The following CACNA2D2 variants were observed in gnomAD, a reference collection of about 807,000 sequenced individuals.
The protein encoded by CACNA2D2 is calcium voltage-gated channel auxiliary subunit alpha2delta 2, also known as voltage-dependent calcium channel subunit alpha-2/delta-2.
A neutral mutation model predicts 166.4 loss-of-function variants in CACNA2D2; 48 were observed. The observed-to-expected ratio is 0.29, with a 90% CI of 0.23 to 0.37. The LOEUF is 0.37. CACNA2D2 is among the 10% of genes least tolerant of loss of function. The pLI, the probability that CACNA2D2 is intolerant of heterozygous loss-of-function variation, is 1.00. For missense variants in CACNA2D2, 1,122 were observed against 1,433.0 expected (o/e 0.78, Z 3.50); for synonymous variants, 561 against 573.7 (o/e 0.98, Z 0.32).
intron 22 of CACNA2D2, among the ~76,000 whole-genome samples, chr3:50,370,764 G>A (rs1704616324): frequency 6.6e-6 from 1 of 151,978 alleles, no homozygotes; most frequent in Non-Finnish European, 1.5e-5. Flanking sequence ...TGGGGGAGGC[G>A]CCAGTCTCGC....
chr3:50,475,383 T>C (rs1324983605), intron 2 of CACNA2D2, among the ~76,000 whole-genome samples: 2 of 152,154 alleles, frequency 1.3e-5, no homozygotes, highest in Admixed American at 6.5e-5. Context: ...CAGTACCTCC[T>C]GGCCCAAGCC....
intron 4 of CACNA2D2, among the ~76,000 whole-genome samples, chr3:50,390,326 G>A (rs758086579): frequency 3.3e-5 from 5 of 152,170 alleles, no homozygotes; most frequent in African/African-American, 4.8e-5. Flanking sequence ...AAATCATGCA[G>A]CCTCCATGAG....
At position 50,399,825 on chromosome 3, in the gene CACNA2D2, T is replaced by A. The variant is rs193054313; in HGVS notation, c.406-5657A>T. On this transcript the variant is annotated intron_variant, in intron 3 of 37. Transcript: ENST00000424201. ...TGGGGCCTGGCTGGTTGGACTCAGGTCCCTCCTGCCACCCCTTAGAGTGGT... is the reference window on the plus strand; with the variant it reads ...TGGGGCCTGGCTGGTTGGACTCAGGACCCTCCTGCCACCCCTTAGAGTGGT... 1.4e-3 allele frequency among the ~76,000 whole-genome samples: 206 copies of A among 152,172 alleles called. 1 individual carries two copies. The highest frequency in any genetic ancestry group is 4.7e-3 in the African/African-American group (196 of 41,488).
intron 3 of CACNA2D2, among the ~76,000 whole-genome samples, chr3:50,422,607 C>T (rs1447477191): frequency 2.6e-5 from 4 of 152,192 alleles, no homozygotes; most frequent in African/African-American, 7.2e-5. Flanking sequence ...ACGGCACAGG[C>T]GATCTGCATG....
rs772420802 is a variant in CACNA2D2 at position 50,367,349 on chromosome 3, C to G, written c.2401+45G>C. 3 of 1,556,568 alleles carry G rather than the reference C, an allele frequency of 1.9e-6. No individual in the cohort carries two copies. Among genetic ancestry groups the G allele is most frequent in the African/African-American group, 2.7e-5 (2 of 73,762 alleles). On this transcript the variant is annotated intron_variant, in intron 27 of 37. Transcript: ENST00000424201. The surrounding 1 kb of genome is among the most constrained non-coding windows in gnomAD (Gnocchi z 6.5). ...AGTTCTGGCTGAGCAGACAGGGAAG[C>G]TGAGGCTCCCTGCCTGCTGCTGGGC... is the stretch of plus-strand genomic sequence containing the variant.
intron 5 of CACNA2D2, 36 bp downstream of exon 5, chr3:50,387,532 C>T (rs1223159916): frequency 6.3e-7 from 1 of 1,596,868 alleles, no homozygotes; most frequent in Non-Finnish European, 8.6e-7. Flanking sequence ...CCACCAAGGC[C>T]CAGCAAGGAG....
At chr3:50,469,293 G>C (rs1343789475) in intron 2 of CACNA2D2, among the ~76,000 whole-genome samples, 6 of 152,024 alleles carry the variant, frequency 3.9e-5, no homozygotes, top group Admixed American at 1.3e-4. Flanking sequence ...CTGGATTTCC[G>C]GCCAAAGAAA....
intron 3 of CACNA2D2, among the ~76,000 whole-genome samples, chr3:50,403,808 C>T (rs1575635272): frequency 2.6e-5 from 4 of 152,244 alleles, no homozygotes; most frequent in African/African-American, 9.6e-5. Flanking sequence ...TGTCCTTTCT[C>T]ATCCCCTCCC....
At chr3:50,364,845 C>G (rs769126908) in intron 37 of CACNA2D2, 39 bp from the exon 38 acceptor site, 1 of 1,613,168 alleles carries the variant, frequency 6.2e-7, no homozygotes, top group South Asian at 1.1e-5. Context: ...CCTGGGCGGG[C>G]GCAAGGCCGC....
chr3:50,364,461 G>C lies in CACNA2D2; in HGVS notation c.*205C>G. 8.1e-6 allele frequency: 5 copies of C among 619,818 alleles called. No homozygotes were observed. Among genetic ancestry groups the C allele is most frequent in the Non-Finnish European group, 1.1e-5 (4 of 362,362 alleles). 38.4% of individuals were successfully genotyped at this position (619,818 alleles called of 1,614,324 possible). A position where few individuals can be genotyped will look rare whatever the true frequency, so the allele number is the denominator to read the frequency against. On this transcript the variant is annotated 3_prime_UTR_variant, in exon 38 of 38. Transcript: ENST00000424201. Reference sequence around the variant, plus strand: ...GGACACTTGAACAGTTCGGAGGTGAGATGTGATTTGGGTGCCAAACACCTG... The same window carrying C: ...GGACACTTGAACAGTTCGGAGGTGACATGTGATTTGGGTGCCAAACACCTG...
intron 3 of CACNA2D2, among the ~76,000 whole-genome samples, chr3:50,404,927 T>C (rs1706625662): frequency 2.6e-5 from 4 of 152,182 alleles, no homozygotes; most frequent in Admixed American, 1.3e-4. Flanking sequence ...CTCCCCTGCA[T>C]GGGAATGTAT....
intron 2 of CACNA2D2, among the ~76,000 whole-genome samples, chr3:50,463,020 G>A (rs1219194807): frequency 1.3e-5 from 2 of 152,146 alleles, no homozygotes; most frequent in African/African-American, 4.8e-5. Context: ...GACAGTGGCC[G>A]TCAAAGGGCA....
rs188614730 is a variant in CACNA2D2, at chr3:50,473,283, C to T, written c.288+2835G>A. Among the ~76,000 whole-genome samples the T allele has an allele frequency of 2.4e-4, 36 of 152,322 alleles. 1 individual carries two copies. Among genetic ancestry groups the T allele is most frequent in the Admixed American group, 1.1e-3 (17 of 15,300 alleles). On this transcript the variant is annotated intron_variant, in intron 2 of 37. Transcript: ENST00000424201. ...TGGTGAGGTCAGGAGGAGGAAAGTG[C>T]CAAGGCAAGGAAAACATCCCCAAAC... is the stretch of plus-strand genomic sequence containing the variant.
chr3:50,449,921 G>A (rs1709023140), intron 2 of CACNA2D2, among the ~76,000 whole-genome samples: 1 of 152,186 alleles, frequency 6.6e-6, no homozygotes, highest in Non-Finnish European at 1.5e-5. Flanking sequence ...CACAATGACA[G>A]GACTGTCACC....
intron 1 of CACNA2D2, among the ~76,000 whole-genome samples, chr3:50,476,736 A>T (rs1183360700): frequency 6.6e-6 from 1 of 152,088 alleles, no homozygotes; most frequent in East Asian, 1.9e-4. Flanking sequence ...AGAGTTCCAG[A>T]TTAGGCAGCC....
chr3:50,447,365 T>C (rs909262618), intron 2 of CACNA2D2, among the ~76,000 whole-genome samples: 1 of 152,140 alleles, frequency 6.6e-6, no homozygotes, highest in Admixed American at 6.5e-5. Context: ...GGCTTCCACA[T>C]CGTCTGTCGG....
chr3:50,503,907 C>G (rs889005445), upstream of CACNA2D2, among the ~76,000 whole-genome samples: 1 of 152,160 alleles, frequency 6.6e-6, no homozygotes, highest in African/African-American at 2.4e-5. Context: ...CTCCTCCCCA[C>G]CCCACCCGCG....
chr3:50,496,420 G>A (rs1698726945), intron 1 of CACNA2D2, among the ~76,000 whole-genome samples: 1 of 152,226 alleles, frequency 6.6e-6, no homozygotes, highest in Non-Finnish European at 1.5e-5. Context: ...GAACACACAG[G>A]TGTAGACACG....
rs1310121489 is a variant in CACNA2D2, at chr3:50,379,513, C to T, written c.1071G>A (p.Lys357=). 3 of 1,613,898 alleles carry T rather than the reference C, an allele frequency of 1.9e-6. No homozygotes were observed. Among genetic ancestry groups the T allele is most frequent in the African/African-American group, 1.3e-5 (1 of 74,948 alleles). ...QANVRNKKVF[K]EAVQGMVAKG... ...TGGCCACCATGCCCTGCACAGCTTC[C>T]TTGAACACCTTCTTGTTGCGCACAT... Residue 357 remains lysine (K), a synonymous_variant, in exon 11 of 38, where the codon AAG becomes AAA. Transcript: ENST00000424201. This position sits in a 1 kb window ranked among gnomAD's most constrained non-coding sequence, Gnocchi z 6.5.
Sources: gnomAD v4.1 joint callset for allele counts (sites outside exome capture counted in the v4.1 genomes callset) on GRCh38, gnomAD v4.1.1 for gene constraint, Gnocchi (gnomAD v3.1) non-coding constraint, MANE v1.5 for transcripts, NCBI Gene and HGNC (gene_info 2026-07-23, HGNC 2026-07-21) for gene names.